APBA2: variants seen among roughly 807,000 people sequenced by gnomAD.
APBA2 encodes amyloid-beta A4 precursor protein-binding family A member 2.
Under a neutral mutation model 75.0 loss-of-function variants are expected in APBA2, and 30 were observed. The ratio of observed to expected loss-of-function variants is 0.40; its 90% CI spans 0.30 to 0.54. APBA2 has a LOEUF of 0.54. Among genes scored for constraint, APBA2 ranks in the 20% least tolerant of loss-of-function variants. The pLI is 0.49. For missense variants in APBA2, 801 were observed against 1,016.1 expected (o/e 0.79, Z 2.88); for synonymous variants, 444 against 409.6 (o/e 1.08, Z -1.01).
At chr15:28,971,410 G>T (rs2037061435) in intron 2 of APBA2, among the ~76,000 whole-genome samples, 1 of 152,158 alleles carries the variant, frequency 6.6e-6, no homozygotes, top group Non-Finnish European at 1.5e-5. Context: ...CAGGATACAG[G>T]GTTTCAGGGC....
chr15:29,003,260 G>A (rs768613246), intron 3 of APBA2, among the ~76,000 whole-genome samples: 2 of 152,156 alleles, frequency 1.3e-5, no homozygotes, highest in Admixed American at 6.5e-5. Context: ...CCAGGCTAGC[G>A]TTTTCATGGC....
At position 29,101,609 on chromosome 15, in the gene APBA2, T is replaced by C. The variant is rs1424270881; in HGVS notation, c.1349T>C (p.Met450Thr). The C allele has an allele frequency of 1.2e-6, 2 of 1,613,426 alleles. No homozygotes were observed. The highest frequency in any genetic ancestry group is 2.2e-5 in the East Asian group (1 of 44,876). The change falls in exon 10 of 15, where the codon ATG (methionine) becomes ACG (threonine). Residue 450 changes from methionine to threonine, a missense_variant. Coordinates refer to ENST00000683413, the MANE Select transcript of APBA2 (RefSeq NM_001353788.2). ...VLNADTQETM[M>T]DHALRTISYI... ...TCTCCCTCCCGACAGGAAACCATGA[T>C]GGACCACGCCTTGCGTACCATCTCC...
chr15:28,908,307 G>C (rs1432524075), intron 1 of APBA2, among the ~76,000 whole-genome samples: 2 of 143,842 alleles, frequency 1.4e-5, no homozygotes, highest in Non-Finnish European at 3.0e-5. Context: ...TGTTTGTTTT[G>C]TTTTCTTGTT....
intron 6 of APBA2, among the ~76,000 whole-genome samples, chr15:29,086,297 G>A (rs573454826): frequency 1.3e-5 from 2 of 152,286 alleles, no homozygotes; most frequent in Non-Finnish European, 2.9e-5. Context: ...TGTGACAGAC[G>A]AGAGGTCCTG....
chr15:28,939,804 C>T (rs1005517112), intron 2 of APBA2, among the ~76,000 whole-genome samples: 3 of 152,138 alleles, frequency 2.0e-5, no homozygotes, highest in Non-Finnish European at 4.4e-5. Context: ...AGGGTGCCTC[C>T]GTGCAGCTTG....
chr15:28,894,555 G>A (rs574087131), intron 1 of APBA2, among the ~76,000 whole-genome samples: 13 of 152,268 alleles, frequency 8.5e-5, no homozygotes, highest in African/African-American at 2.6e-4. Flanking sequence ...CAAAGGGCCA[G>A]CCTGGAATGG....
intron 2 of APBA2, among the ~76,000 whole-genome samples, chr15:28,964,114 A>G (rs927978806): frequency 4.6e-5 from 7 of 152,356 alleles, no homozygotes; most frequent in African/African-American, 1.7e-4. Flanking sequence ...CAGATCTGCT[A>G]TATGAACATT....
intron 1 of APBA2, among the ~76,000 whole-genome samples, chr15:28,894,952 T>C (rs1281269565): frequency 7.2e-5 from 11 of 152,164 alleles, no homozygotes; most frequent in South Asian, 2.1e-4. Context: ...TCCTGCGTCA[T>C]TGGGGGGCTC....
At chr15:28,998,881 TC>T (rs1344704059) in intron 3 of APBA2, among the ~76,000 whole-genome samples, 1 of 152,220 alleles carries the variant, frequency 6.6e-6, no homozygotes, top group Non-Finnish European at 1.5e-5. Flanking sequence ...GCACGGTGGT[TC>T]ACACCTGTAA....
At chr15:29,040,215 G>A (rs1032967195) in intron 3 of APBA2, among the ~76,000 whole-genome samples, 4 of 152,208 alleles carry the variant, frequency 2.6e-5, no homozygotes, top group Admixed American at 1.3e-4. Flanking sequence ...GTTGCATAAA[G>A]GTGGTGGGAA....
intron 2 of APBA2, among the ~76,000 whole-genome samples, chr15:28,940,193 A>G (rs1320401554): frequency 1.3e-5 from 2 of 151,948 alleles, no homozygotes; most frequent in African/African-American, 4.8e-5. Flanking sequence ...GAAAGGAGAT[A>G]CGGAGGAAAG....
chr15:29,080,468 C>T (rs1433371265), intron 6 of APBA2, among the ~76,000 whole-genome samples: 16 of 152,072 alleles, frequency 1.1e-4, no homozygotes, highest in Non-Finnish European at 1.5e-5. Context: ...CTTCTCTCAG[C>T]AGAGGCATTG....
At chr15:29,075,667 T>C (rs2042818271) in intron 5 of APBA2, among the ~76,000 whole-genome samples, 1 of 152,206 alleles carries the variant, frequency 6.6e-6, no homozygotes, top group Non-Finnish European at 1.5e-5. Flanking sequence ...TAGATGAGAT[T>C]ATTTAACTTT....
intron 11 of APBA2, among the ~76,000 whole-genome samples, chr15:29,106,089 A>G (rs972302041): frequency 1.4e-4 from 22 of 152,250 alleles, no homozygotes; most frequent in Non-Finnish European, 7.3e-5. Context: ...GAATGGGTGA[A>G]TGCATGATCC....
chr15:29,084,670 C>A (rs972442744), intron 6 of APBA2, among the ~76,000 whole-genome samples: 2 of 152,174 alleles, frequency 1.3e-5, no homozygotes, highest in African/African-American at 4.8e-5. Context: ...GAATGGGGAT[C>A]CAAACAAAAC....
chr15:28,937,050 G>C (rs2034916554), intron 2 of APBA2, among the ~76,000 whole-genome samples: 1 of 152,234 alleles, frequency 6.6e-6, no homozygotes, highest in African/African-American at 2.4e-5. Context: ...GCATTATTCA[G>C]GTCTTCCTGG....
chr15:28,954,538 A>G (rs1026260441), intron 2 of APBA2, among the ~76,000 whole-genome samples: 2 of 152,082 alleles, frequency 1.3e-5, no homozygotes, highest in African/African-American at 4.8e-5. Flanking sequence ...ACCCCCCACC[A>G]TGCACAGGCA....
chr15:28,984,975 G>A (rs28756129), intron 2 of APBA2, among the ~76,000 whole-genome samples: 30,113 of 151,444 alleles, frequency 0.2, 9,307 homozygotes, highest in African/African-American at 0.67. Context: ...CGTCTCTGGA[G>A]GTTGGGGGAG....
At chr15:29,044,802 TAGTC>T (rs1357244706) in intron 3 of APBA2, among the ~76,000 whole-genome samples, 1 of 152,228 alleles carries the variant, frequency 6.6e-6, no homozygotes, top group Non-Finnish European at 1.5e-5. Flanking sequence ...GTTAGTGTCT[TAGTC>T]AGCTCAGGCT....
Sources: gnomAD v4.1 joint callset for allele counts (sites outside exome capture counted in the v4.1 genomes callset) on GRCh38, gnomAD v4.1.1 for gene constraint, MANE v1.5 for transcripts, NCBI Gene and HGNC (gene_info 2026-07-23, HGNC 2026-07-21) for gene names.